PPP1R14C: variants seen among roughly 807,000 people sequenced by gnomAD.
The protein encoded by PPP1R14C is protein phosphatase 1 regulatory subunit 14C.
In PPP1R14C, 16 loss-of-function variants were observed where a neutral mutation model predicts 20.4. The observed-to-expected ratio is 0.78, with a 90% CI of 0.53 to 1.19. The LOEUF (loss-of-function observed/expected upper bound fraction) is 1.19, where lower values mean the gene tolerates loss of function less well. PPP1R14C is among the 50% of genes most tolerant of loss of function. The pLI is 0.00. For missense variants in PPP1R14C, 211 were observed against 220.1 expected (o/e 0.96, Z 0.26); for synonymous variants, 91 against 91.0 (o/e 1.00, Z 0.00).
intron 2 of PPP1R14C, 133 bp from the exon 3 acceptor site, chr6:150,216,691 T>C: frequency 3.0e-6 from 2 of 674,006 alleles, no homozygotes; most frequent in Non-Finnish European, 5.0e-6. Flanking sequence ...TGAAGTGCGT[T>C]TCTAGATAGT....
rs146585515 is a variant in PPP1R14C, at chr6:150,196,186, G to T, written c.307-18558G>T. 1.1e-3 allele frequency: 1,056 copies of T among 927,582 alleles called. 8 individuals carry two copies. The African/African-American group carries it at 0.018, about 15-fold the overall frequency. The allele number at this position is 927,582 out of a possible 1,614,324, so 57.5% of individuals were successfully genotyped here. On this transcript the variant is annotated intron_variant, in intron 1 of 3. Coordinates refer to ENST00000361131, the MANE Select transcript of PPP1R14C (RefSeq NM_030949.3). Reference sequence around the variant, plus strand: ...GCTTCTAGCTGTACTGCCTGGAACAGCCTAGAAACTGGCAAAGATTTATGG... The same window carrying T: ...GCTTCTAGCTGTACTGCCTGGAACATCCTAGAAACTGGCAAAGATTTATGG...
intron 1 of PPP1R14C, among the ~76,000 whole-genome samples, chr6:150,202,056 G>C (rs1051618981): frequency 2.0e-5 from 3 of 152,198 alleles, no homozygotes; most frequent in Non-Finnish European, 4.4e-5. Context: ...TAAGACCAAA[G>C]GCAGCTGAGC....
chr6:150,219,773 CTT>C (rs1259449578), intron 3 of PPP1R14C, among the ~76,000 whole-genome samples: 31 of 152,204 alleles, frequency 2.0e-4, no homozygotes, highest in East Asian at 7.7e-4. Flanking sequence ...ATTTTCATGT[CTT>C]TGCTGATTTT....
intron 1 of PPP1R14C, among the ~76,000 whole-genome samples, chr6:150,184,891 A>G (rs539251664): frequency 1.3e-5 from 2 of 152,260 alleles, no homozygotes; most frequent in Non-Finnish European, 2.9e-5. Flanking sequence ...GGGTAGCCGT[A>G]TAGCCTGGCT....
chr6:150,208,108 A>G (rs1456976774), intron 1 of PPP1R14C, among the ~76,000 whole-genome samples: 1 of 152,180 alleles, frequency 6.6e-6, no homozygotes, highest in African/African-American at 2.4e-5. Context: ...TGCCCCCATG[A>G]CCTAATCACC....
chr6:150,242,502 G>A (rs558189551), intron 3 of PPP1R14C, among the ~76,000 whole-genome samples: 7 of 152,280 alleles, frequency 4.6e-5, no homozygotes, highest in African/African-American at 1.7e-4. Context: ...AAAGCATTAG[G>A]CAAAACCCAG....
At position 150,238,284 on chromosome 6, in the gene PPP1R14C, C is replaced by T. The variant is rs569731998; in HGVS notation, c.424-10462C>T. ...GCAGTTAGCTGAAATTGTATTTCAA[C>T]TGCTAGGAAACTAGAATGGCCAGAT... On this transcript the variant is annotated intron_variant, in intron 3 of 3. Transcript: ENST00000361131. Among the ~76,000 whole-genome samples the T allele has an allele frequency of 2.6e-5, 4 of 152,272 alleles. No individual in the cohort carries two copies. The South Asian group carries it at 6.2e-4, about 24-fold the overall frequency.
chr6:150,241,147 G>A (rs1164839893), intron 3 of PPP1R14C, among the ~76,000 whole-genome samples: 4 of 152,080 alleles, frequency 2.6e-5, no homozygotes, highest in African/African-American at 7.2e-5. Context: ...GAGGAAGGGG[G>A]CTGGACATAG....
intron 1 of PPP1R14C, chr6:150,196,215 T>C (rs1777802879): frequency 5.4e-6 from 4 of 734,220 alleles, no homozygotes; most frequent in African/African-American, 1.9e-5. Flanking sequence ...TTTATGGTCA[T>C]TGAGGGCAAC....
chr6:150,203,073 T>C (rs1777897962), intron 1 of PPP1R14C, among the ~76,000 whole-genome samples: 1 of 152,232 alleles, frequency 6.6e-6, no homozygotes, highest in African/African-American at 2.4e-5. Context: ...ACTCACTCTT[T>C]GTGTTGTACA....
chr6:150,156,037 A>AAAG (rs1777302362), intron 1 of PPP1R14C, among the ~76,000 whole-genome samples: 1 of 150,216 alleles, frequency 6.7e-6, no homozygotes, highest in African/African-American at 2.4e-5. Flanking sequence ...AAAAAAAAAA[A>AAAG]AAAAAAAAAA....
At chr6:150,199,142 G>C (rs960416791) in intron 1 of PPP1R14C, among the ~76,000 whole-genome samples, 2 of 152,090 alleles carry the variant, frequency 1.3e-5, no homozygotes, top group Admixed American at 6.5e-5. Flanking sequence ...CAGATATGAC[G>C]GGTCAGTGGC....
intron 1 of PPP1R14C, among the ~76,000 whole-genome samples, chr6:150,184,782 C>T (rs1777659187): frequency 6.6e-6 from 1 of 152,198 alleles, no homozygotes; most frequent in Non-Finnish European, 1.5e-5. Context: ...GAGTGTAAGA[C>T]ACAGTGCCTT....
intron 1 of PPP1R14C, among the ~76,000 whole-genome samples, chr6:150,168,537 AAAACAAAAC>A (rs1562260088): frequency 6.7e-6 from 1 of 149,078 alleles, no homozygotes; most frequent in African/African-American, 2.5e-5. Flanking sequence ...CCGTCTCAAC[AAAACAAAAC>A]AAAACAAAAC....
At chr6:150,174,276 G>A (rs1777532821) in intron 1 of PPP1R14C, among the ~76,000 whole-genome samples, 1 of 152,136 alleles carries the variant, frequency 6.6e-6, no homozygotes, top group Non-Finnish European at 1.5e-5. Context: ...CTGGAGTGCA[G>A]TGGTGCGATC....
chr6:150,164,027 T>C (rs1007460073), intron 1 of PPP1R14C, among the ~76,000 whole-genome samples: 1 of 152,234 alleles, frequency 6.6e-6, no homozygotes. Flanking sequence ...TTTCCCATCC[T>C]TACCTACGCT....
At chr6:150,193,985 G>T (rs1432563285) in intron 1 of PPP1R14C, among the ~76,000 whole-genome samples, 1 of 152,086 alleles carries the variant, frequency 6.6e-6, no homozygotes, top group African/African-American at 2.4e-5. Flanking sequence ...AATCATGGGG[G>T]GCGGTTTCCC....
intron 1 of PPP1R14C, among the ~76,000 whole-genome samples, chr6:150,162,970 C>T (rs139327270): frequency 6.6e-6 from 1 of 152,174 alleles, no homozygotes; most frequent in African/African-American, 2.4e-5. Context: ...TGTGCAAAGC[C>T]CTGGGGGGAC....
chr6:150,199,344 T>A (rs1276697171), intron 1 of PPP1R14C, among the ~76,000 whole-genome samples: 2 of 152,152 alleles, frequency 1.3e-5, no homozygotes, highest in African/African-American at 4.8e-5. Flanking sequence ...TATTAAGAGG[T>A]GGCCCTTTAA....
Sources: gnomAD v4.1 joint callset for allele counts (sites outside exome capture counted in the v4.1 genomes callset) on GRCh38, gnomAD v4.1.1 for gene constraint, MANE v1.5 for transcripts, NCBI Gene and HGNC (gene_info 2026-07-23, HGNC 2026-07-21) for gene names.